The following COL6A6 variants were observed in gnomAD, a reference collection of about 807,000 sequenced individuals.
The protein encoded by COL6A6 is collagen alpha-6(VI) chain.
Under a neutral mutation model 208.6 loss-of-function variants are expected in COL6A6, and 183 were observed. The ratio of observed to expected loss-of-function variants is 0.88; its 90% CI spans 0.78 to 0.99. The LOEUF (loss-of-function observed/expected upper bound fraction) is 0.99, where lower values mean the gene tolerates loss of function less well. Ranked by LOEUF, COL6A6 falls within the 50% of genes least tolerant of loss-of-function variation. The pLI, the probability that COL6A6 is intolerant of heterozygous loss-of-function variation, is 0.00. For missense variants in COL6A6, 2,816 were observed against 2,815.2 expected (o/e 1.00, Z -0.01); for synonymous variants, 973 against 1,011.8 (o/e 0.96, Z 0.73).
intron 8 of COL6A6, among the ~76,000 whole-genome samples, chr3:130,578,633 TTGCTTCCCATC>T (rs2063349059): frequency 6.6e-6 from 1 of 152,010 alleles, no homozygotes; most frequent in South Asian, 2.1e-4. Flanking sequence ...TACCTGCCAA[TTGCTTCCCATC>T]TACTGCCTCT....
intron 1 of COL6A6, among the ~76,000 whole-genome samples, chr3:130,524,314 G>A (rs2061910324): frequency 6.6e-6 from 1 of 152,208 alleles, no homozygotes; most frequent in South Asian, 2.1e-4. Flanking sequence ...GTAAGTTACT[G>A]CTTTGACGCA....
Position 130,568,232 on chromosome 3 carries a change from A to C in COL6A6, c.2029A>C (p.Asn677His), listed in dbSNP as rs1220459445. 1.2e-6 allele frequency: 2 copies of C among 1,614,020 alleles called. 1 individual carries two copies. The highest frequency in any genetic ancestry group is 1.7e-6 in the Non-Finnish European group (2 of 1,179,886). ...CATCAATAAGGAAGAGTTTCAGCTC[A>C]ACAGATTCATGTCCCAAAGCGACAT... ...SDINKEEFQL[N>H]RFMSQSDISN... The change falls in exon 6 of 37, where the codon AAC becomes CAC. Residue 677 changes from asparagine to histidine, a missense_variant. Transcript: ENST00000358511.
rs183232786 is a variant in COL6A6 at position 130,520,303 on chromosome 3, A to G, written c.-32+2906A>G. Among the ~76,000 whole-genome samples the G allele has an allele frequency of 5.9e-3, 895 of 152,320 alleles. 6 individuals carry two copies. The highest frequency in any genetic ancestry group is 9.0e-3 in the Non-Finnish European group (613 of 68,022). On this transcript the variant is annotated intron_variant, in intron 1 of 36. Coordinates refer to ENST00000358511, the MANE Select transcript of COL6A6 (RefSeq NM_001102608.3). ...ACCAAAAGCTACGCTAAGTTTTTCA[A>G]AGGAATTTAAAAGGCATAAATGATC...
intron 23 of COL6A6, among the ~76,000 whole-genome samples, chr3:130,617,447 C>A (rs1314692830): frequency 6.6e-6 from 1 of 152,058 alleles, no homozygotes; most frequent in Non-Finnish European, 1.5e-5. Flanking sequence ...GGCAGGCATG[C>A]AGAAAGAGGA....
At chr3:130,671,551 G>A (rs2066216354) in intron 36 of COL6A6, among the ~76,000 whole-genome samples, 1 of 152,174 alleles carries the variant, frequency 6.6e-6, no homozygotes, top group Non-Finnish European at 1.5e-5. Flanking sequence ...CAAAAGTTAT[G>A]AGCCACACAG....
chr3:130,663,948 T>C (rs1020581947), intron 35 of COL6A6, among the ~76,000 whole-genome samples: 9 of 152,188 alleles, frequency 5.9e-5, no homozygotes, highest in African/African-American at 1.9e-4. Flanking sequence ...CTTAATTCCA[T>C]AGCAGGCTCA....
At chr3:130,587,722 G>A (rs1577800205) in intron 11 of COL6A6, among the ~76,000 whole-genome samples, 1 of 152,172 alleles carries the variant, frequency 6.6e-6, no homozygotes, top group African/African-American at 2.4e-5. Flanking sequence ...AGCTCCTGCT[G>A]TTTTCCACCT....
At chr3:130,594,499 C>T in intron 18 of COL6A6, 156 bp downstream of exon 18, 2 of 612,004 alleles carry the variant, frequency 3.3e-6, no homozygotes, top group Admixed American at 3.3e-5. Flanking sequence ...GTGCTAGATC[C>T]TCTTCATATA....
chr3:130,634,960 C>T (rs1335917919), intron 27 of COL6A6, among the ~76,000 whole-genome samples: 7 of 152,154 alleles, frequency 4.6e-5, no homozygotes, highest in Non-Finnish European at 1.0e-4. Context: ...TAAGGCCAGG[C>T]GTGGTGGCTC....
chr3:130,616,469 A>G (rs1402985454), intron 23 of COL6A6, among the ~76,000 whole-genome samples: 1 of 151,932 alleles, frequency 6.6e-6, no homozygotes, highest in Non-Finnish European at 1.5e-5. Context: ...AAGAGCTTTG[A>G]AAGGAATGGC....
intron 3 of COL6A6, 121 bp from the exon 4 acceptor site, chr3:130,564,873 G>T (rs1223478618): frequency 7.2e-6 from 8 of 1,106,492 alleles, no homozygotes; most frequent in African/African-American, 1.6e-5. Flanking sequence ...ATAATTATTT[G>T]TCTACCTCCT....
chr3:130,673,192 A>C (rs2066267060), intron 36 of COL6A6, among the ~76,000 whole-genome samples: 1 of 110,504 alleles, frequency 9.0e-6, no homozygotes, highest in Admixed American at 9.2e-5. Context: ...AAAAAAAAAC[A>C]AAAAAACAAA....
At chr3:130,609,860 T>A (rs1219431237) in intron 22 of COL6A6, among the ~76,000 whole-genome samples, 1 of 152,124 alleles carries the variant, frequency 6.6e-6, no homozygotes, top group Non-Finnish European at 1.5e-5. Flanking sequence ...TTGCCAAGAT[T>A]CAGAGCAGTG....
chr3:130,652,078 T>C (rs2065662014), intron 33 of COL6A6, among the ~76,000 whole-genome samples: 1 of 152,180 alleles, frequency 6.6e-6, no homozygotes, highest in Non-Finnish European at 1.5e-5. Flanking sequence ...GCAACTTATA[T>C]GTGATTATCT....
At chr3:130,618,591 C>T (rs2064607713) in intron 23 of COL6A6, among the ~76,000 whole-genome samples, 1 of 152,142 alleles carries the variant, frequency 6.6e-6, no homozygotes, top group South Asian at 2.1e-4. Flanking sequence ...TAGAAACCAC[C>T]AGTGTGATTC....
Position 130,649,538 on chromosome 3 carries a change from GC to G in COL6A6, c.5712del (p.Ser1905ArgfsTer16). On this transcript the variant is annotated frameshift_variant, in exon 33 of 37. Coordinates refer to ENST00000358511, the MANE Select transcript of COL6A6 (RefSeq NM_001102608.3). LOFTEE classifies it high-confidence loss of function. ...CCGTGGTGATCACTTTCAGCAACGT[GC>G]CCTCGGTCAGGCGCGCATTTGCGGT... ...IPVVITFSNV[P>X]SVRRAFAIDD... The G allele has an allele frequency of 6.3e-7, 1 of 1,596,036 alleles. No homozygotes were observed. The highest frequency in any genetic ancestry group is 1.7e-4 in the Middle Eastern group (1 of 6,034).
At chr3:130,628,336 G>C (rs1305175225) in intron 26 of COL6A6, among the ~76,000 whole-genome samples, 3 of 152,062 alleles carry the variant, frequency 2.0e-5, no homozygotes, top group Non-Finnish European at 4.4e-5. Context: ...TGTATATGAA[G>C]TTTATAATTA....
chr3:130,524,114 A>C (rs1350039876), intron 1 of COL6A6, among the ~76,000 whole-genome samples: 3 of 152,184 alleles, frequency 2.0e-5, no homozygotes, highest in Non-Finnish European at 4.4e-5. Context: ...CGAGATGTAC[A>C]TTTACAGGCA....
chr3:130,559,318 T>G (rs1161467540), intron 1 of COL6A6, among the ~76,000 whole-genome samples: 2 of 152,160 alleles, frequency 1.3e-5, no homozygotes, highest in Non-Finnish European at 2.9e-5. Context: ...CTAATAAATT[T>G]ATATACAGAC....
Sources: allele counts gnomAD v4.1 joint callset (sites outside exome capture counted in the v4.1 genomes callset), GRCh38; gene constraint gnomAD v4.1.1; transcripts MANE v1.5; gene names NCBI Gene and HGNC (gene_info 2026-07-23, HGNC 2026-07-21).